SLC9A7: variants seen among roughly 807,000 people sequenced by gnomAD.
The protein encoded by SLC9A7 is sodium/hydrogen exchanger 7.
SLC9A7 carries 19 observed loss-of-function variants against 52.6 expected under a neutral mutation model. The ratio of observed to expected loss-of-function variants is 0.36; its 90% confidence interval spans 0.25 to 0.53. SLC9A7 has a LOEUF of 0.53. Among genes scored for constraint, SLC9A7 ranks in the 20% least tolerant of loss-of-function variants. SLC9A7 has a pLI of 0.91. For missense variants in SLC9A7, 455 were observed against 597.9 expected (o/e 0.76, Z 2.49); for synonymous variants, 226 against 252.1 (o/e 0.90, Z 0.98).
intron 11 of SLC9A7, chrX:46,646,668 G>C (rs1943497958): frequency 7.3e-6 from 2 of 274,361 alleles, no homozygotes; most frequent in Non-Finnish European, 7.2e-6. Context: ...CCCAGGAACT[G>C]CATGCGCCTG....
chrX:46,659,823 C>T (rs1243279474), intron 7 of SLC9A7, among the ~76,000 whole-genome samples: 1 of 87,330 alleles, frequency 1.1e-5, no homozygotes, highest in African/African-American at 4.5e-5. Flanking sequence ...GATTCAATGC[C>T]ATCCCCATCA....
chrX:46,627,551 T>C (rs1485706137), intron 14 of SLC9A7, among the ~76,000 whole-genome samples: 1 of 111,770 alleles, frequency 8.9e-6, no homozygotes, highest in African/African-American at 3.3e-5. Flanking sequence ...TCACCCTTTA[T>C]CACCTTGTCA....
At position 46,599,975 on chromosome X, in the gene SLC9A7, A is replaced by G. The variant is rs1942635575; in HGVS notation, c.*6977T>C. ...TTCTCATTTAACCATTTTCATGGAC[A>G]TAGTACAACTTTCCAAGTAAAAAGT... On this transcript the variant is annotated 3_prime_UTR_variant, in exon 17 of 17. Transcript: ENST00000616978. 1 of 112,257 alleles carries G rather than the reference A, an allele frequency of 8.9e-6. No homozygotes were observed. Among genetic ancestry groups the G allele is most frequent in the Admixed American group, 9.5e-5 (1 of 10,552 alleles). 9.3% of individuals were successfully genotyped at this position (112,257 alleles called of 1,213,427 possible).
intron 1 of SLC9A7, among the ~76,000 whole-genome samples, chrX:46,744,625 A>G (rs1176399718): frequency 8.9e-6 from 1 of 112,271 alleles, no homozygotes; most frequent in East Asian, 2.8e-4. Flanking sequence ...ATAAGAGCCT[A>G]TGATACAATT....
intron 1 of SLC9A7, among the ~76,000 whole-genome samples, chrX:46,718,977 G>A (rs1944815920): frequency 9.0e-6 from 1 of 111,686 alleles, no homozygotes; most frequent in East Asian, 2.8e-4. Flanking sequence ...AAATCATGCT[G>A]CTATAAAGAC....
chrX:46,737,271 T>A (rs1206840417), intron 1 of SLC9A7, among the ~76,000 whole-genome samples: 4 of 112,050 alleles, frequency 3.6e-5, no homozygotes, highest in Non-Finnish European at 3.8e-5. Context: ...TTGGCAGGAA[T>A]CCTGGAGGAA....
rs145576602 is a variant in SLC9A7 at position 46,708,758 on chromosome X, C to T, written c.326-26223G>A. 9.2e-4 allele frequency among the ~76,000 whole-genome samples: 103 copies of T among 111,447 alleles called. 4 individuals are homozygous for T. In the East Asian group the frequency reaches 0.014, roughly 15 times the overall value. On this transcript the variant is annotated intron_variant, in intron 1 of 16. Transcript: ENST00000616978. ...TCTTCCTGGTCTCAAAGCACTGATA[C>T]CTAGTATCAGTGGGGGACAGAACAA... is the stretch of plus-strand genomic sequence containing the variant.
At chrX:46,654,985 T>TCTTTC (rs1556095191) in intron 7 of SLC9A7, among the ~76,000 whole-genome samples, 1 of 95,149 alleles carries the variant, frequency 1.1e-5, no homozygotes, top group Non-Finnish European at 2.2e-5. Flanking sequence ...TTTCTTTCTT[T>TCTTTC]TTTTTTTTTT....
intron 1 of SLC9A7, among the ~76,000 whole-genome samples, chrX:46,754,697 AG>A: frequency 9.0e-6 from 1 of 111,123 alleles, no homozygotes; most frequent in South Asian, 3.8e-4. Flanking sequence ...GGGGTGGTGG[AG>A]GAGGAGGAAG....
At chrX:46,756,907 T>C (rs1354849934) in intron 1 of SLC9A7, among the ~76,000 whole-genome samples, 1 of 111,905 alleles carries the variant, frequency 8.9e-6, no homozygotes, top group Admixed American at 9.5e-5. Flanking sequence ...AAAATTCCAC[T>C]GTTGTCTTTA....
Position 46,620,982 on chromosome X carries a change from A to C in SLC9A7, c.1818T>G (p.Asp606Glu). The change falls in exon 15 of 17, where the codon GAT becomes GAG. Residue 606 changes from aspartate (D) to glutamate (E), a missense_variant. Physicochemically the swap from Asp to Glu is conservative, Grantham distance 45. This residue lies in a region of SLC9A7 where 146 missense variants were observed against 160.5 expected (regional missense o/e 0.91). Coordinates refer to ENST00000616978, the MANE Select transcript of SLC9A7 (RefSeq NM_001257291.2). ...AWIFRLWYSFDHNYLKPILTH... is the reference protein window; with the variant it reads ...AWIFRLWYSFEHNYLKPILTH... ...GATGCTACTTAAAAGGATACTTGTG[A>C]TCAAAGCTGTACCACAGCCTGAATA... The C allele has an allele frequency of 1.7e-6, 2 of 1,198,959 alleles. No individual in the cohort carries two copies. The highest frequency in any genetic ancestry group is 2.3e-6 in the Non-Finnish European group (2 of 885,518).
chrX:46,744,907 C>T (rs1008854741), intron 1 of SLC9A7, among the ~76,000 whole-genome samples: 1 of 110,405 alleles, frequency 9.1e-6, no homozygotes, highest in Non-Finnish European at 1.9e-5. Flanking sequence ...CAAAGGTTTA[C>T]AGCAACCAAG....
chrX:46,752,564 C>T (rs1556288950), intron 1 of SLC9A7, among the ~76,000 whole-genome samples: 1 of 111,157 alleles, frequency 9.0e-6, no homozygotes, highest in Non-Finnish European at 1.9e-5. Context: ...TGTTTTATAA[C>T]TTGTTTCTCT....
intron 5 of SLC9A7, among the ~76,000 whole-genome samples, chrX:46,666,953 G>A (rs1369889674): frequency 1.8e-5 from 2 of 111,856 alleles, no homozygotes; most frequent in African/African-American, 6.5e-5. Flanking sequence ...GACAGCACAG[G>A]ATTAAAATAA....
chrX:46,631,467 G>T, intron 14 of SLC9A7, 119 bp downstream of exon 14: 1 of 529,255 alleles, frequency 1.9e-6, no homozygotes, highest in Non-Finnish European at 3.2e-6. Flanking sequence ...AATGGGGAGA[G>T]CAGTACACGC....
intron 3 of SLC9A7, among the ~76,000 whole-genome samples, chrX:46,677,835 A>T (rs1944143352): frequency 8.9e-6 from 1 of 112,159 alleles, no homozygotes; most frequent in South Asian, 3.7e-4. Flanking sequence ...CAGTAAAGCC[A>T]TATGGGTGTG....
chrX:46,691,675 T>C (rs760932120), intron 1 of SLC9A7, among the ~76,000 whole-genome samples: 8 of 111,799 alleles, frequency 7.2e-5, no homozygotes, highest in Non-Finnish European at 1.5e-4. Flanking sequence ...AAATAGTGCA[T>C]ATTGGGGATG....
chrX:46,696,718 C>T (rs1256247635), intron 1 of SLC9A7, among the ~76,000 whole-genome samples: 1 of 111,486 alleles, frequency 9.0e-6, no homozygotes, highest in African/African-American at 3.3e-5. Flanking sequence ...TCTGAAAGAG[C>T]AGATAAACAA....
At chrX:46,660,867 T>C (rs1257532136) in intron 7 of SLC9A7, among the ~76,000 whole-genome samples, 3 of 108,304 alleles carry the variant, frequency 2.8e-5, no homozygotes, top group African/African-American at 1.0e-4. Flanking sequence ...CATCCCATTA[T>C]TGGGTATATA....
Sources: allele counts gnomAD v4.1 joint callset (sites outside exome capture counted in the v4.1 genomes callset), GRCh38; gene constraint gnomAD v4.1.1; regional missense constraint gnomAD v4.1.1; transcripts MANE v1.5; gene names NCBI Gene and HGNC (gene_info 2026-07-23, HGNC 2026-07-21).